SLC2A12: variants seen among roughly 807,000 people sequenced by gnomAD.
SLC2A12 encodes the protein solute carrier family 2, facilitated glucose transporter member 12.
A neutral mutation model predicts 41.8 loss-of-function variants in SLC2A12; 23 were observed. The ratio of observed to expected loss-of-function variants is 0.55; its 90% CI spans 0.40 to 0.78. The LOEUF is 0.78. SLC2A12 is among the 30% of genes least tolerant of loss of function. The pLI is 0.00. For missense variants in SLC2A12, 654 were observed against 745.6 expected (o/e 0.88, Z 1.43); for synonymous variants, 295 against 285.9 (o/e 1.03, Z -0.32).
intron 3 of SLC2A12, among the ~76,000 whole-genome samples, chr6:134,003,891 G>A (rs9376000): frequency 0.15 from 23,306 of 152,216 alleles, 1,968 homozygotes; most frequent in East Asian, 0.19. Context: ...AAATGTTGGT[G>A]TTTAAGGGCT....
Position 134,052,556 on chromosome 6 carries a change from TC to T in SLC2A12, c.-77del. 2 of 1,104,474 alleles carry T rather than the reference TC, an allele frequency of 1.8e-6. No homozygotes were observed. The highest frequency in any genetic ancestry group is 2.7e-6 in the Non-Finnish European group (2 of 735,992). 68.4% of individuals were successfully genotyped at this position (1,104,474 alleles called of 1,614,324 possible). A position where few individuals can be genotyped will look rare whatever the true frequency, so the allele number is the denominator to read the frequency against. ...CCCCCGCTCCCAGGAGTGGTCACTT[TC>T]CCCATAATAGCATGCTAAAGAAGAG... On this transcript the variant is annotated 5_prime_UTR_variant, in exon 1 of 5. An upstream open reading frame in the 5' UTR loses its in-frame stop. Transcript: ENST00000275230.
At chr6:134,044,278 T>C (rs1205726739) in intron 1 of SLC2A12, among the ~76,000 whole-genome samples, 3 of 152,244 alleles carry the variant, frequency 2.0e-5, no homozygotes, top group African/African-American at 4.8e-5. Context: ...GCACCTGCAC[T>C]GTGAGGATGC....
chr6:134,022,548 G>GAAA (rs1016453180), intron 2 of SLC2A12, among the ~76,000 whole-genome samples: 1 of 39,156 alleles, frequency 2.6e-5, no homozygotes, highest in Non-Finnish European at 4.6e-5. Context: ...GAAAAGAAAA[G>GAAA]AAAAGAAAAG....
chr6:133,994,567 A>C (rs1169370919), intron 4 of SLC2A12, among the ~76,000 whole-genome samples: 23 of 152,152 alleles, frequency 1.5e-4, no homozygotes, highest in Admixed American at 1.5e-3. Context: ...CTCTACTAAA[A>C]ATACAAAAAA....
Position 134,032,444 on chromosome 6 carries a change from ATATAAATATATATATATATATTTT to A in SLC2A12, c.104-2747_104-2724del, listed in dbSNP as rs1318719391. 9.7e-3 allele frequency among the ~76,000 whole-genome samples: 371 copies of A among 38,274 alleles called. 9 individuals carry two copies. The highest frequency in any genetic ancestry group is 0.029 in the Middle Eastern group (2 of 70). 25.1% of individuals were successfully genotyped at this position (38,274 alleles called of 152,430 possible). A position where few individuals can be genotyped will look rare whatever the true frequency, so the allele number is the denominator to read the frequency against. Reference sequence around the variant, plus strand: ...TATATATTTATATATATATATATATATATAAATATATATATATATATTTTTATATATATATATATATATTTGTTC... The same window carrying A: ...TATATATTTATATATATATATATATATATATATATATATATATATTTGTTC... On this transcript the variant is annotated intron_variant, in intron 1 of 4. Transcript: ENST00000275230.
intron 4 of SLC2A12, among the ~76,000 whole-genome samples, chr6:133,994,702 A>G (rs1776665157): frequency 6.6e-6 from 1 of 152,234 alleles, no homozygotes; most frequent in Non-Finnish European, 1.5e-5. Context: ...CCTGGGCGAC[A>G]GAGCGAGACT....
intron 2 of SLC2A12, among the ~76,000 whole-genome samples, chr6:134,017,038 A>G (rs1776971875): frequency 6.6e-6 from 1 of 152,134 alleles, no homozygotes; most frequent in Non-Finnish European, 1.5e-5. Context: ...GGTAGGAATA[A>G]TTATCCTACC....
chr6:134,001,873 C>T (rs948663549), intron 4 of SLC2A12, 124 bp downstream of exon 4: 18 of 1,008,878 alleles, frequency 1.8e-5, no homozygotes, highest in Admixed American at 3.5e-5. Context: ...CATAGTCTTA[C>T]GCTAAAGGGA....
At chr6:134,004,885 C>T (rs1170522265) in intron 3 of SLC2A12, among the ~76,000 whole-genome samples, 1 of 152,160 alleles carries the variant, frequency 6.6e-6, no homozygotes, top group African/African-American at 2.4e-5. Context: ...AGGAGGCCAA[C>T]AATGACAAAC....
intron 2 of SLC2A12, among the ~76,000 whole-genome samples, chr6:134,012,447 T>C (rs1776899630): frequency 6.6e-6 from 1 of 152,230 alleles, no homozygotes; most frequent in Non-Finnish European, 1.5e-5. Flanking sequence ...GCAGTGGTCT[T>C]CAAACTCTCT....
chr6:134,018,401 G>A (rs1776994693), intron 2 of SLC2A12, among the ~76,000 whole-genome samples: 2 of 152,140 alleles, frequency 1.3e-5, no homozygotes, highest in African/African-American at 2.4e-5. Context: ...GTCCTGCATG[G>A]TGGTGCTGGA....
At chr6:134,018,952 C>G (rs1777004456) in intron 2 of SLC2A12, among the ~76,000 whole-genome samples, 1 of 152,120 alleles carries the variant, frequency 6.6e-6, no homozygotes, top group Non-Finnish European at 1.5e-5. Context: ...GGAATTTCTG[C>G]CCATTTGAGT....
chr6:134,026,913 G>C (rs1777121173), intron 2 of SLC2A12, among the ~76,000 whole-genome samples: 1 of 152,152 alleles, frequency 6.6e-6, no homozygotes, highest in Non-Finnish European at 1.5e-5. Context: ...TTTGGAATTT[G>C]AACAAATCAA....
At chr6:134,003,136 G>A (rs1329104488) in intron 3 of SLC2A12, among the ~76,000 whole-genome samples, 1 of 152,234 alleles carries the variant, frequency 6.6e-6, no homozygotes, top group African/African-American at 2.4e-5. Flanking sequence ...GGCAGTGTTT[G>A]TAAATGCAGC....
intron 2 of SLC2A12, among the ~76,000 whole-genome samples, chr6:134,024,809 A>C (rs1483101164): frequency 6.6e-6 from 1 of 152,214 alleles, no homozygotes; most frequent in Non-Finnish European, 1.5e-5. Flanking sequence ...GACCCTGGGC[A>C]CCTCCACAAC....
intron 2 of SLC2A12, among the ~76,000 whole-genome samples, chr6:134,025,284 A>G (rs1244184654): frequency 1.3e-5 from 2 of 152,236 alleles, no homozygotes; most frequent in Admixed American, 6.5e-5. Flanking sequence ...TTCAGAAGAT[A>G]AAACATGTTT....
In SLC2A12 at chr6:134,029,324, A is replaced by G. The variant is rs1276205481; in HGVS notation, c.501T>C (p.Leu167=). The change falls in exon 2 of 5, where the codon CTT becomes CTC. Residue 167 remains leucine (L), a synonymous_variant. Coordinates refer to ENST00000275230, the MANE Select transcript of SLC2A12 (RefSeq NM_145176.3). ...EIAPQHRRGL[L]VSLNELMIVI... Reference sequence around the variant, plus strand: ...CAATCATCAGCTCATTCAGTGACACAAGAAGGCCTCTTCTGTGTTGAGGAG... The same window carrying G: ...CAATCATCAGCTCATTCAGTGACACGAGAAGGCCTCTTCTGTGTTGAGGAG... 1 of 1,614,252 alleles carries G rather than the reference A, an allele frequency of 6.2e-7. No homozygotes were observed. Among genetic ancestry groups the G allele is most frequent in the Admixed American group, 1.7e-5 (1 of 60,030 alleles).
intron 1 of SLC2A12, among the ~76,000 whole-genome samples, chr6:134,043,160 T>C (rs987922023): frequency 6.6e-6 from 1 of 151,934 alleles, no homozygotes; most frequent in Non-Finnish European, 1.5e-5. Flanking sequence ...TTCAAGAATA[T>C]GAAGGAAAGG....
intron 2 of SLC2A12, among the ~76,000 whole-genome samples, chr6:134,020,728 C>T (rs1444835848): frequency 6.6e-6 from 1 of 152,216 alleles, no homozygotes; most frequent in East Asian, 1.9e-4. Flanking sequence ...CCTCTGACAG[C>T]ATGACTCCAA....
Sources: allele counts gnomAD v4.1 joint callset (sites outside exome capture counted in the v4.1 genomes callset), GRCh38; gene constraint gnomAD v4.1.1; transcripts MANE v1.5; gene names NCBI Gene and HGNC (gene_info 2026-07-23, HGNC 2026-07-21).